Variants in TRIM17 observed in about 807,000 individuals in gnomAD.
TRIM17 encodes the protein E3 ubiquitin-protein ligase TRIM17.
In TRIM17, 27 loss-of-function variants were observed where a neutral mutation model predicts 35.8. That is an observed-to-expected ratio of 0.75 (90% CI 0.56 to 1.04). TRIM17 has a LOEUF of 1.04. Ranked by LOEUF, TRIM17 falls within the 50% of genes least tolerant of loss-of-function variation. TRIM17 has a pLI of 0.00. For missense variants in TRIM17, 582 were observed against 612.8 expected (o/e 0.95, Z 0.53); for synonymous variants, 246 against 252.6 (o/e 0.97, Z 0.25).
chr1:228,409,640 C>T (rs1398710834), intron 4 of TRIM17: 8 of 477,306 alleles, frequency 1.7e-5, no homozygotes, highest in African/African-American at 4.0e-5. Context: ...TGTCAGCCCA[C>T]GGCCACACGC....
At chr1:228,413,136 G>A (rs936064475) in intron 3 of TRIM17, among the ~76,000 whole-genome samples, 16 of 150,958 alleles carry the variant, frequency 1.1e-4, no homozygotes, top group Non-Finnish European at 8.8e-5. Context: ...GCTTGAACCC[G>A]GGAGGCAGAG....
Position 228,408,254 on chromosome 1 carries a change from G to A in TRIM17, c.1381C>T (p.Pro461Ser), listed in dbSNP as rs373698198. 1.3e-5 allele frequency: 20 copies of A among 1,571,204 alleles called. No individual in the cohort carries two copies. In the Middle Eastern group the frequency reaches 5.2e-4, roughly 41 times the overall value. The stretch of plus-strand genomic sequence containing the variant: ...GAGATGACCATCTGACCAGACTTCG[G>A]AGCCCCCAGGCAGAAGAAAGGCTGC... ...PLQPFFCLGA[P>S]KSGQMVISTV... The change falls in exon 7 of 7, where the codon CCG becomes TCG. Residue 461 changes from proline (P) to serine (S), a missense_variant. Transcript: ENST00000366698. The surrounding 1 kb of genome is among the most constrained non-coding windows in gnomAD (Gnocchi z 6.3).
rs1185923290 is a variant in TRIM17, at chr1:228,414,892, G to A, written c.181C>T (p.Pro61Ser). 3.1e-6 allele frequency: 5 copies of A among 1,613,482 alleles called. No homozygotes were observed. The highest frequency in any genetic ancestry group is 1.1e-5 in the South Asian group (1 of 91,084). Reference sequence around the variant, plus strand: ...GACATCTCTCTGCACTCGGGGCAGGGGAAGGAGCCCTTCCGCTTCCGCCTC... The same window carrying A: ...GACATCTCTCTGCACTCGGGGCAGGAGAAGGAGCCCTTCCGCTTCCGCCTC... ...KGRRKRKGSF[P>S]CPECREMSPQ... Residue 61 changes from proline to serine, a missense_variant, in exon 2 of 7, where the codon CCC becomes TCC. Pro to Ser is a moderately conservative substitution (Grantham distance 74, BLOSUM62 -1). Transcript: ENST00000366698.
intron 1 of TRIM17, chr1:228,415,523 C>T: frequency 1.3e-5 from 2 of 158,812 alleles, no homozygotes; most frequent in Non-Finnish European, 2.8e-5. Context: ...CACTTTCCAT[C>T]CACTGACCCC....
At chr1:228,416,363 C>A (rs1450128028) in intron 1 of TRIM17, 176 bp downstream of exon 1, 8 of 985,562 alleles carry the variant, frequency 8.1e-6, no homozygotes, top group Non-Finnish European at 9.6e-6. Context: ...CCGCTCTGGT[C>A]CGCTAGGGTC....
Position 228,408,800 on chromosome 1 carries a change from C to A in TRIM17, c.884-49G>T. On this transcript the variant is annotated intron_variant, in intron 6 of 6. Coordinates refer to ENST00000366698, the MANE Select transcript of TRIM17 (RefSeq NM_016102.4). The surrounding 1 kb of genome is among the most constrained non-coding windows in gnomAD (Gnocchi z 6.3). ...GAGATGGGGAGAGGTGTGGGGCATT[C>A]AGGGTCAAAGGTGGGAGTCCCCGGG... 6.4e-7 allele frequency: 1 copy of A among 1,565,580 alleles called. No individual in the cohort carries two copies. The highest frequency in any genetic ancestry group is 8.6e-7 in the Non-Finnish European group (1 of 1,161,414).
chr1:228,413,996 C>T (rs1558458472), intron 2 of TRIM17, 104 bp from the exon 3 acceptor site: 2 of 894,148 alleles, frequency 2.2e-6, no homozygotes, highest in East Asian at 2.5e-5. Context: ...AGAGACCCTC[C>T]TCAGGAGGGG....
Position 228,408,129 on chromosome 1 carries a change from T to C in TRIM17, c.*72A>G. 1.4e-6 allele frequency: 2 copies of C among 1,413,016 alleles called. No homozygotes were observed. Among genetic ancestry groups the C allele is most frequent in the East Asian group, 4.7e-5 (2 of 42,372 alleles). The allele number at this position is 1,413,016 out of a possible 1,614,324, so 87.5% of individuals were successfully genotyped here. ...CGTGATGCCAGAGAACCCTGGCAGG[T>C]GGCCTGCAGTAAGCAGAAGGCCCAC... On this transcript the variant is annotated 3_prime_UTR_variant, in exon 7 of 7. Coordinates refer to ENST00000366698, the MANE Select transcript of TRIM17 (RefSeq NM_016102.4). The surrounding 1 kb of genome is among the most constrained non-coding windows in gnomAD (Gnocchi z 6.3).
Position 228,410,220 on chromosome 1 carries a change from T to C in TRIM17, c.756+726A>G, listed in dbSNP as rs1035489874. 1.3e-5 allele frequency among the ~76,000 whole-genome samples: 2 copies of C among 152,156 alleles called. No individual in the cohort carries two copies. The highest frequency in any genetic ancestry group is 1.9e-4 in the East Asian group (1 of 5,160). ...AAGCAGTCTTCCTGCCTCAGCCTCC[T>C]GAGTCCTGGGACCACAGGCGCACGC... On this transcript the variant is annotated intron_variant, in intron 4 of 6. Transcript: ENST00000366698. This position sits in a 1 kb window ranked among gnomAD's most constrained non-coding sequence, Gnocchi z 4.6.
chr1:228,416,618 C>A lies in TRIM17; in HGVS notation c.-121G>T. ...CCGGGAAAGGCTGGGTCTGCCCCCA[C>A]GAAGCCCAGGAGGCTGCGGCCCGGC... On this transcript the variant is annotated 5_prime_UTR_variant, in exon 1 of 7. Transcript: ENST00000366698. 1.0e-6 allele frequency: 1 copy of A among 985,040 alleles called. No individual in the cohort carries two copies. The highest frequency in any genetic ancestry group is 1.2e-6 in the Non-Finnish European group (1 of 830,146). 61.0% of individuals were successfully genotyped at this position (985,040 alleles called of 1,614,324 possible).
At position 228,411,266 on chromosome 1, in the gene TRIM17, A is replaced by C; in HGVS notation, c.526-90T>G. 2.9e-6 allele frequency: 3 copies of C among 1,048,486 alleles called. No homozygotes were observed. The highest frequency in any genetic ancestry group is 4.2e-6 in the Non-Finnish European group (3 of 717,128). The allele number at this position is 1,048,486 out of a possible 1,614,324, so 64.9% of individuals were successfully genotyped here. A position where few individuals can be genotyped will look rare whatever the true frequency, so the allele number is the denominator to read the frequency against. ...TCTCCCCAGGGCCCTGGTGACCCAC[A>C]AGATCACCAGCAACTGGAGCTTTAG... On this transcript the variant is annotated intron_variant, in intron 3 of 6. Transcript: ENST00000366698. The surrounding 1 kb of genome is among the most constrained non-coding windows in gnomAD (Gnocchi z 4.2).
At chr1:228,409,483 C>T (rs1656661722) in intron 4 of TRIM17, 72 bp from the exon 5 acceptor site, 1 of 1,421,926 alleles carries the variant, frequency 7.0e-7, no homozygotes, top group Non-Finnish European at 9.3e-7. Context: ...CTGCTCCCTT[C>T]TTGTCCGTGT....
At position 228,410,873 on chromosome 1, in the gene TRIM17, C is replaced by T. The variant is rs1656736160; in HGVS notation, c.756+73G>A. On this transcript the variant is annotated intron_variant, in intron 4 of 6. Coordinates refer to ENST00000366698, the MANE Select transcript of TRIM17 (RefSeq NM_016102.4). This position sits in a 1 kb window ranked among gnomAD's most constrained non-coding sequence, Gnocchi z 4.6. ...CCCTTTCCCGTTGGCTGCCTCTTCC[C>T]CAAGCCCAGCGCCCCCTGCCCATGC... 8.6e-7 allele frequency: 1 copy of T among 1,162,640 alleles called. No homozygotes were observed. The highest frequency in any genetic ancestry group is 1.6e-5 in the African/African-American group (1 of 64,394). The allele number at this position is 1,162,640 out of a possible 1,614,324, so 72.0% of individuals were successfully genotyped here.
At position 228,414,907 on chromosome 1, in the gene TRIM17, G is replaced by A. The variant is rs755337344; in HGVS notation, c.166C>T (p.Arg56Trp). 29 of 1,613,424 alleles carry A rather than the reference G, an allele frequency of 1.8e-5. No individual in the cohort carries two copies. The highest frequency in any genetic ancestry group is 3.3e-4 in the Middle Eastern group (2 of 6,078). Residue 56 changes from arginine to tryptophan, a missense_variant, in exon 2 of 7, where the codon CGG becomes TGG. Coordinates refer to ENST00000366698, the MANE Select transcript of TRIM17 (RefSeq NM_016102.4). ...KARGKKGRRK[R>W]KGSFPCPECR... ...TCGGGGCAGGGGAAGGAGCCCTTCC[G>A]CTTCCGCCTCCCCTTCTTGCCCCTC...
At chr1:228,412,636 G>A (rs1444651353) in intron 3 of TRIM17, among the ~76,000 whole-genome samples, 2 of 150,544 alleles carry the variant, frequency 1.3e-5, no homozygotes, top group Non-Finnish European at 3.0e-5. Flanking sequence ...TGGTCTTGGT[G>A]GCAAGTGCCT....
At chr1:228,413,664 C>G in intron 3 of TRIM17, 133 bp downstream of exon 3, 2 of 681,584 alleles carry the variant, frequency 2.9e-6, no homozygotes, top group Non-Finnish European at 2.6e-6. Flanking sequence ...AGCCACAGAA[C>G]CTAGAAGGGT....
chr1:228,410,868 C>A lies in TRIM17; in HGVS notation c.756+78G>T. ...AACAGCCCTTTCCCGTTGGCTGCCTCTTCCCCAAGCCCAGCGCCCCCTGCC... is the reference window on the plus strand; with the variant it reads ...AACAGCCCTTTCCCGTTGGCTGCCTATTCCCCAAGCCCAGCGCCCCCTGCC... On this transcript the variant is annotated intron_variant, in intron 4 of 6. Coordinates refer to ENST00000366698, the MANE Select transcript of TRIM17 (RefSeq NM_016102.4). This position sits in a 1 kb window ranked among gnomAD's most constrained non-coding sequence, Gnocchi z 4.6. 1 of 1,101,140 alleles carries A rather than the reference C, an allele frequency of 9.1e-7. No individual in the cohort carries two copies. Among genetic ancestry groups the A allele is most frequent in the Non-Finnish European group, 1.3e-6 (1 of 798,000 alleles). 68.2% of individuals were successfully genotyped at this position (1,101,140 alleles called of 1,614,324 possible).
Position 228,416,722 on chromosome 1 carries a change from G to GGGGGGGGGGGGGGGGGGGC in TRIM17, c.-226_-225insGCCCCCCCCCCCCCCCCCC. On this transcript the variant is annotated 5_prime_UTR_variant, in exon 1 of 7. Transcript: ENST00000366698. Reference sequence around the variant, plus strand: ...GGGGCTGGGGGGCGGCGGGGGAGGGGAATGCTGGGCGAGGGAGTGTTCGGC... The same window carrying GGGGGGGGGGGGGGGGGGGC: ...GGGGCTGGGGGGCGGCGGGGGAGGGGGGGGGGGGGGGGGGGGGGCAATGCTGGGCGAGGGAGTGTTCGGC... 2 of 568,104 alleles carry GGGGGGGGGGGGGGGGGGGC rather than the reference G, an allele frequency of 3.5e-6. No individual in the cohort carries two copies. Among genetic ancestry groups the GGGGGGGGGGGGGGGGGGGC allele is most frequent in the Non-Finnish European group, 4.4e-6 (2 of 453,590 alleles). 35.2% of individuals were successfully genotyped at this position (568,104 alleles called of 1,614,324 possible).
intron 3 of TRIM17, among the ~76,000 whole-genome samples, chr1:228,412,642 T>G (rs901521563): frequency 1.5e-5 from 2 of 136,794 alleles, no homozygotes; most frequent in Non-Finnish European, 3.1e-5. Context: ...TGGTGGCAAG[T>G]GCCTGTAGTC....
Sources: gnomAD v4.1 joint callset for allele counts (sites outside exome capture counted in the v4.1 genomes callset) on GRCh38, gnomAD v4.1.1 for gene constraint, Gnocchi (gnomAD v3.1) non-coding constraint, MANE v1.5 for transcripts, NCBI Gene and HGNC (gene_info 2026-07-23, HGNC 2026-07-21) for gene names.